NOS1AP: variants seen among roughly 807,000 people sequenced by gnomAD.
The protein encoded by NOS1AP is carboxyl-terminal PDZ ligand of neuronal nitric oxide synthase protein.
A neutral mutation model predicts 56.2 loss-of-function variants in NOS1AP; 21 were observed. The ratio of observed to expected loss-of-function variants is 0.37; its 90% CI spans 0.26 to 0.54. The LOEUF is 0.54. Among genes scored for constraint, NOS1AP ranks in the 20% least tolerant of loss-of-function variants. The probability of loss-of-function intolerance (pLI) is 0.84; values close to 1 mark genes in which losing one functional copy is unlikely to be tolerated. For synonymous variants in NOS1AP, 270 were observed against 274.6 expected (o/e 0.98, Z 0.17); for missense variants, 522 against 657.8 (o/e 0.79, Z 2.26).
At chr1:162,093,625 G>A (rs547986567) in intron 1 of NOS1AP, among the ~76,000 whole-genome samples, 1 of 152,136 alleles carries the variant, frequency 6.6e-6, no homozygotes, top group South Asian at 2.1e-4. Context: ...CATGATCATG[G>A]CTCACTGCAG....
chr1:162,156,735 A>G (rs1417946178), intron 2 of NOS1AP, among the ~76,000 whole-genome samples: 1 of 152,174 alleles, frequency 6.6e-6, no homozygotes, highest in African/African-American at 2.4e-5. Context: ...GTGCTTTGTT[A>G]GGCTTTTTAA....
At chr1:162,299,916 G>C (rs1273889694) in intron 3 of NOS1AP, among the ~76,000 whole-genome samples, 1 of 152,170 alleles carries the variant, frequency 6.6e-6, no homozygotes, top group Non-Finnish European at 1.5e-5. Flanking sequence ...AGTATGTTTA[G>C]AGAGTGGCCA....
chr1:162,260,149 A>T (rs1209167573), intron 2 of NOS1AP, among the ~76,000 whole-genome samples: 2 of 152,090 alleles, frequency 1.3e-5, no homozygotes, highest in African/African-American at 4.8e-5. Context: ...GTTGCTAATG[A>T]GGGTCTGTTG....
intron 2 of NOS1AP, among the ~76,000 whole-genome samples, chr1:162,197,065 C>A (rs1287158396): frequency 6.6e-6 from 1 of 152,202 alleles, no homozygotes; most frequent in African/African-American, 2.4e-5. Flanking sequence ...CAGTAAGGCT[C>A]TGCATGGATA....
intron 4 of NOS1AP, among the ~76,000 whole-genome samples, chr1:162,325,798 T>C (rs1210849230): frequency 1.3e-5 from 2 of 151,916 alleles, no homozygotes; most frequent in Non-Finnish European, 2.9e-5. Flanking sequence ...TATCAGCTGG[T>C]TTCATTTCGC....
chr1:162,259,748 C>T (rs568979772), intron 2 of NOS1AP, among the ~76,000 whole-genome samples: 1 of 152,146 alleles, frequency 6.6e-6, no homozygotes, highest in East Asian at 1.9e-4. Context: ...TGTAGAGTTG[C>T]AGATCTTATT....
At chr1:162,086,970 A>G (rs530242493) in intron 1 of NOS1AP, among the ~76,000 whole-genome samples, 1 of 152,296 alleles carries the variant, frequency 6.6e-6, no homozygotes, top group African/African-American at 2.4e-5. Context: ...CCCTCGTCCA[A>G]CTGTACCTGT....
chr1:162,266,214 G>A (rs1654415767), intron 2 of NOS1AP, among the ~76,000 whole-genome samples: 1 of 152,192 alleles, frequency 6.6e-6, no homozygotes, highest in African/African-American at 2.4e-5. Flanking sequence ...AAGCAGCAGT[G>A]TGTATTGGGA....
At position 162,180,861 on chromosome 1, in the gene NOS1AP, G is replaced by A. The variant is rs6675464; in HGVS notation, c.177+26385G>A. On this transcript the variant is annotated intron_variant, in intron 2 of 9. Transcript: ENST00000361897. ...TCAGACTCCTGACCCAGGGAAACTG[G>A]GAGATACTAAATGTGTGTTGCTTTA... Among the ~76,000 whole-genome samples the A allele has an allele frequency of 6.0e-3, 917 of 152,312 alleles. 3 individuals are homozygous for A. The highest frequency in any genetic ancestry group is 9.4e-3 in the Non-Finnish European group (638 of 68,038).
At chr1:162,356,759 C>T (rs1229862918) in intron 7 of NOS1AP, among the ~76,000 whole-genome samples, 6 of 152,198 alleles carry the variant, frequency 3.9e-5, no homozygotes, top group Non-Finnish European at 8.8e-5. Flanking sequence ...CTACGATTTT[C>T]TGACTGTGTG....
chr1:162,301,505 G>A lies in NOS1AP; in HGVS notation c.344+799G>A, dbSNP rs529912132. 3.9e-5 allele frequency among the ~76,000 whole-genome samples: 6 copies of A among 152,280 alleles called. No individual in the cohort carries two copies. The East Asian group carries it at 9.6e-4, about 24-fold the overall frequency. On this transcript the variant is annotated intron_variant, in intron 4 of 9. Coordinates refer to ENST00000361897, the MANE Select transcript of NOS1AP (RefSeq NM_014697.3). ...TTCTGGTATTTTATTATAGCAGACC[G>A]AACCAACACACAACCAGAAATTGCT...
At chr1:162,133,830 C>G (rs1648862022) in intron 1 of NOS1AP, among the ~76,000 whole-genome samples, 1 of 152,130 alleles carries the variant, frequency 6.6e-6, no homozygotes, top group Admixed American at 6.5e-5. Flanking sequence ...CTGCAGGAAG[C>G]CAAGGTATTT....
At chr1:162,344,114 G>C in intron 6 of NOS1AP, 138 bp downstream of exon 6, 1 of 950,822 alleles carries the variant, frequency 1.1e-6, no homozygotes, top group East Asian at 2.7e-5. Context: ...CTAAATTCTA[G>C]ATTCTCTTTA....
Position 162,367,287 on chromosome 1 carries a change from G to T in NOS1AP, c.1341G>T (p.Ala447=), listed in dbSNP as rs933982736. The T allele has an allele frequency of 1.9e-6, 3 of 1,613,398 alleles. No homozygotes were observed. Among genetic ancestry groups the T allele is most frequent in the East Asian group, 4.5e-5 (2 of 44,874 alleles). Reference sequence around the variant, plus strand: ...CCCCGCCCCCAGCGCAGGGCGAGGCGCTCCTGGGCGGTCTGGAGCTCATCA... The same window carrying T: ...CCCCGCCCCCAGCGCAGGGCGAGGCTCTCCTGGGCGGTCTGGAGCTCATCA... ...EDTPPPAQGE[A]LLGGLELIKF... Residue 447 remains alanine (A), a synonymous_variant, in exon 10 of 10, where the codon GCG becomes GCT. Coordinates refer to ENST00000361897, the MANE Select transcript of NOS1AP (RefSeq NM_014697.3). This position sits in a 1 kb window ranked among gnomAD's most constrained non-coding sequence, Gnocchi z 6.5.
chr1:162,163,193 A>G (rs573597750), intron 2 of NOS1AP, among the ~76,000 whole-genome samples: 15 of 152,206 alleles, frequency 9.9e-5, no homozygotes, highest in African/African-American at 3.1e-4. Context: ...CATATTATTT[A>G]TTCATTTAAA....
chr1:162,191,504 C>A (rs538841172), intron 2 of NOS1AP, among the ~76,000 whole-genome samples: 3 of 152,294 alleles, frequency 2.0e-5, no homozygotes, highest in African/African-American at 7.2e-5. Context: ...TGTGGAGGTA[C>A]AATGGGAAGA....
At chr1:162,335,713 C>G (rs2101798454) in intron 5 of NOS1AP, among the ~76,000 whole-genome samples, 1 of 152,248 alleles carries the variant, frequency 6.6e-6, no homozygotes, top group South Asian at 2.1e-4. Flanking sequence ...GTAGAAAAAC[C>G]TTGTCTGAGA....
chr1:162,262,879 T>C (rs1382670001), intron 2 of NOS1AP, among the ~76,000 whole-genome samples: 6 of 152,230 alleles, frequency 3.9e-5, no homozygotes, highest in Non-Finnish European at 7.3e-5. Context: ...ATTCTCTTTA[T>C]GATTTTCAAA....
intron 4 of NOS1AP, among the ~76,000 whole-genome samples, chr1:162,304,976 A>G (rs1481340970): frequency 1.3e-5 from 2 of 152,198 alleles, no homozygotes; most frequent in Non-Finnish European, 1.5e-5. Flanking sequence ...TGAAGAATAC[A>G]TACAATTGTT....
Sources: gnomAD v4.1 joint callset for allele counts (sites outside exome capture counted in the v4.1 genomes callset) on GRCh38, gnomAD v4.1.1 for gene constraint, Gnocchi (gnomAD v3.1) non-coding constraint, MANE v1.5 for transcripts, NCBI Gene and HGNC (gene_info 2026-07-23, HGNC 2026-07-21) for gene names.